MYO16: variants seen among roughly 807,000 people sequenced by gnomAD.
The protein encoded by MYO16 is unconventional myosin-XVI.
In MYO16, 94 loss-of-function variants were observed where a neutral mutation model predicts 205.3. The observed-to-expected ratio is 0.46, with a 90% confidence interval of 0.39 to 0.54. The LOEUF is 0.54. Among genes scored for constraint, MYO16 ranks in the 20% least tolerant of loss-of-function variants. MYO16 has a pLI of 0.00. For synonymous variants in MYO16, 988 were observed against 954.0 expected, an observed-to-expected ratio of 1.04 and a Z score of -0.66; for missense variants, 2,315 against 2,387.5, an observed-to-expected ratio of 0.97 and a Z score of 0.63.
At chr13:109,104,707 C>G (rs1889069144) in intron 28 of MYO16, among the ~76,000 whole-genome samples, 1 of 152,160 alleles carries the variant, frequency 6.6e-6, no homozygotes, top group East Asian at 1.9e-4. Flanking sequence ...AAATGCATGT[C>G]AAAGGAGCAT....
intron 28 of MYO16, among the ~76,000 whole-genome samples, chr13:109,113,305 A>C (rs1218612591): frequency 6.8e-6 from 1 of 146,772 alleles, no homozygotes; most frequent in Non-Finnish European, 1.5e-5. Flanking sequence ...GGAGGGAGGG[A>C]TGGAGAGAGG....
intron 16 of MYO16, among the ~76,000 whole-genome samples, chr13:108,928,138 G>C (rs980448654): frequency 6.6e-6 from 1 of 152,190 alleles, no homozygotes; most frequent in Non-Finnish European, 1.5e-5. Flanking sequence ...CAAGGAGAGA[G>C]GGATGGGAGC....
At chr13:108,800,094 C>G (rs1411074768) in intron 6 of MYO16, among the ~76,000 whole-genome samples, 1 of 152,158 alleles carries the variant, frequency 6.6e-6, no homozygotes, top group South Asian at 2.1e-4. Context: ...TTTATGCTCA[C>G]TCAGCTTTTG....
At chr13:108,847,398 A>G (rs12428462) in intron 10 of MYO16, among the ~76,000 whole-genome samples, 27,142 of 152,134 alleles carry the variant, frequency 0.18, 3,148 homozygotes, top group Non-Finnish European at 0.25. Flanking sequence ...ATGTTCTCAT[A>G]TGTTCTTGCC....
chr13:109,179,681 T>A, intron 34 of MYO16, 48 bp downstream of exon 34: 2 of 1,458,470 alleles, frequency 1.4e-6, no homozygotes, highest in Non-Finnish European at 1.9e-6. Flanking sequence ...TGGAATTAAG[T>A]TATGACAAGG....
intron 23 of MYO16, among the ~76,000 whole-genome samples, chr13:109,036,589 A>C (rs1379547445): frequency 6.6e-6 from 1 of 152,194 alleles, no homozygotes; most frequent in Non-Finnish European, 1.5e-5. Context: ...AGGATCGCTA[A>C]CTGCCGCAGC....
intron 14 of MYO16, among the ~76,000 whole-genome samples, chr13:108,897,134 A>G (rs992261409): frequency 2.0e-5 from 3 of 152,192 alleles, no homozygotes; most frequent in African/African-American, 7.2e-5. Context: ...ATAAGGTGTT[A>G]TTGTACTCCC....
At chr13:109,050,297 A>G (rs1289881903) in intron 24 of MYO16, among the ~76,000 whole-genome samples, 1 of 152,014 alleles carries the variant, frequency 6.6e-6, no homozygotes, top group Non-Finnish European at 1.5e-5. Flanking sequence ...TAATTCGTAG[A>G]AATCGCTCTG....
intron 34 of MYO16, among the ~76,000 whole-genome samples, chr13:109,194,555 G>GCAT (rs1004158199): frequency 3.3e-5 from 5 of 152,248 alleles, no homozygotes; most frequent in Non-Finnish European, 7.4e-5. Flanking sequence ...CCTTGAGGGG[G>GCAT]CATCTATCAG....
At chr13:109,027,536 A>G (rs1195342315) in intron 23 of MYO16, among the ~76,000 whole-genome samples, 2 of 151,862 alleles carry the variant, frequency 1.3e-5, no homozygotes, top group South Asian at 4.1e-4. Context: ...GGCATAGTGG[A>G]AGGAGGGTGG....
the MYO16 span, among the ~76,000 whole-genome samples, chr13:108,547,396 G>A: frequency 6.6e-6 from 1 of 152,124 alleles, no homozygotes; most frequent in East Asian, 1.9e-4. Flanking sequence ...GTGAGGTTGG[G>A]TGGGGGGCCC....
At chr13:108,677,335 GTA>G (rs747613453) in intron 2 of MYO16, among the ~76,000 whole-genome samples, 2,872 of 87,214 alleles carry the variant, frequency 0.033, 59 homozygotes, top group African/African-American at 0.081. Context: ...GTGTGTGTGT[GTA>G]TATATATATA....
At chr13:109,164,521 T>C (rs529454717) in intron 32 of MYO16, among the ~76,000 whole-genome samples, 1 of 152,320 alleles carries the variant, frequency 6.6e-6, no homozygotes, top group South Asian at 2.1e-4. Context: ...GTGTTTCTTA[T>C]TTTTTCCAAA....
At chr13:108,976,881 T>C (rs923618963) in intron 20 of MYO16, among the ~76,000 whole-genome samples, 1 of 152,154 alleles carries the variant, frequency 6.6e-6, no homozygotes, top group Non-Finnish European at 1.5e-5. Flanking sequence ...CTTGAATTAA[T>C]ACTATTGACA....
At chr13:108,888,646 A>T (rs949290099) in intron 14 of MYO16, among the ~76,000 whole-genome samples, 169 bp downstream of exon 14, 3 of 152,248 alleles carry the variant, frequency 2.0e-5, no homozygotes, top group African/African-American at 7.2e-5. Context: ...GTTCGAGTGA[A>T]CATTTATTTA....
intron 14 of MYO16, among the ~76,000 whole-genome samples, chr13:108,892,540 C>T (rs77694914): frequency 0.026 from 3,960 of 152,222 alleles, 309 homozygotes; most frequent in East Asian, 0.23. Context: ...TGCACCTGGC[C>T]GGTCAAAATA....
Position 108,999,037 on chromosome 13 carries a change from C to T in MYO16, c.2442+6589C>T, listed in dbSNP as rs553071795. Among the ~76,000 whole-genome samples, 20 of 152,272 alleles carry T rather than the reference C, an allele frequency of 1.3e-4. No individual in the cohort carries two copies. In the East Asian group the frequency reaches 3.5e-3, roughly 26 times the overall value. On this transcript the variant is annotated intron_variant, in intron 21 of 34. Coordinates refer to ENST00000457511, the MANE Select transcript of MYO16 (RefSeq NM_001198950.3). ...GTTCAGAGAGGTGGGTAAATTGAGT[C>T]TACCTCTTGATGGTGAAGGACCAGT... is the stretch of plus-strand genomic sequence containing the variant.
intron 2 of MYO16, among the ~76,000 whole-genome samples, chr13:108,679,593 C>T (rs1882373015): frequency 6.6e-6 from 1 of 151,854 alleles, no homozygotes; most frequent in African/African-American, 2.4e-5. Flanking sequence ...CATAATTTTG[C>T]ATCTGGTTTA....
chr13:108,924,531 A>G (rs1223705454), intron 16 of MYO16, among the ~76,000 whole-genome samples: 7 of 152,214 alleles, frequency 4.6e-5, no homozygotes, highest in Non-Finnish European at 1.0e-4. Context: ...CAAGTCAGGT[A>G]CTTGAATACA....
Sources: gnomAD v4.1 joint callset for allele counts (sites outside exome capture counted in the v4.1 genomes callset) on GRCh38, gnomAD v4.1.1 for gene constraint, MANE v1.5 for transcripts, NCBI Gene and HGNC (gene_info 2026-07-23, HGNC 2026-07-21) for gene names.